The following CARMIL1 variants were observed in gnomAD, a reference collection of about 807,000 sequenced individuals.
CARMIL1 encodes capping protein regulator and myosin 1 linker 1, also known as F-actin-uncapping protein LRRC16A.
A neutral mutation model predicts 177.1 loss-of-function variants in CARMIL1; 90 were observed. That is an observed-to-expected ratio of 0.51 (90% CI 0.43 to 0.61). The LOEUF (loss-of-function observed/expected upper bound fraction) is 0.61, where lower values mean the gene tolerates loss of function less well. Among genes scored for constraint, CARMIL1 ranks in the 20% least tolerant of loss-of-function variants. The pLI, the probability that CARMIL1 is intolerant of heterozygous loss-of-function variation, is 0.00. For synonymous variants in CARMIL1, 577 were observed against 606.2 expected, an observed-to-expected ratio of 0.95 and a Z score of 0.71; for missense variants, 1,380 against 1,667.0, an observed-to-expected ratio of 0.83 and a Z score of 3.00.
chr6:25,383,320 G>T (rs1249411260), intron 2 of CARMIL1, among the ~76,000 whole-genome samples: 2 of 151,982 alleles, frequency 1.3e-5, no homozygotes, highest in African/African-American at 2.4e-5. Flanking sequence ...AGGAAGAATG[G>T]TGCCATTCTA....
At chr6:25,376,059 C>T (rs980481343) in intron 2 of CARMIL1, among the ~76,000 whole-genome samples, 10 of 152,166 alleles carry the variant, frequency 6.6e-5, no homozygotes, top group Middle Eastern at 3.4e-3. Context: ...TATAGAACCC[C>T]GTTTTGTCAT....
chr6:25,411,910 G>A (rs1010523427), intron 2 of CARMIL1, among the ~76,000 whole-genome samples: 3 of 152,200 alleles, frequency 2.0e-5, no homozygotes, highest in Non-Finnish European at 4.4e-5. Context: ...CCCAAAAAGA[G>A]TGGGGCTGGA....
chr6:25,331,068 C>A (rs1459510232), intron 2 of CARMIL1, among the ~76,000 whole-genome samples: 1 of 152,094 alleles, frequency 6.6e-6, no homozygotes, highest in East Asian at 1.9e-4. Flanking sequence ...AAGCAGCAAA[C>A]TTCCTGGGAG....
At chr6:25,371,743 C>T (rs916806147) in intron 2 of CARMIL1, among the ~76,000 whole-genome samples, 3 of 152,148 alleles carry the variant, frequency 2.0e-5, no homozygotes, top group East Asian at 3.8e-4. Flanking sequence ...ATTTGCTGTG[C>T]AGAAGCTTTT....
At chr6:25,316,102 A>G (rs1364023936) in intron 2 of CARMIL1, among the ~76,000 whole-genome samples, 1 of 152,266 alleles carries the variant, frequency 6.6e-6, no homozygotes, top group Non-Finnish European at 1.5e-5. Flanking sequence ...TGTAGATAAC[A>G]TTAAACTGAA....
chr6:25,560,404 G>C (rs1025962100), intron 29 of CARMIL1, among the ~76,000 whole-genome samples: 3 of 151,948 alleles, frequency 2.0e-5, no homozygotes, highest in Non-Finnish European at 4.4e-5. Context: ...CTTAGCCCCC[G>C]AGAGTCTGAC....
At chr6:25,397,470 A>G (rs9467489) in intron 2 of CARMIL1, among the ~76,000 whole-genome samples, 63,775 of 151,922 alleles carry the variant, frequency 0.42, 13,576 homozygotes, top group Middle Eastern at 0.59. Flanking sequence ...TCTGGTGCAT[A>G]GGGTGGGGCA....
At chr6:25,363,081 GA>G (rs1276556291) in intron 2 of CARMIL1, among the ~76,000 whole-genome samples, 1 of 152,116 alleles carries the variant, frequency 6.6e-6, no homozygotes, top group Admixed American at 6.5e-5. Flanking sequence ...AGTGGGTGAA[GA>G]AAGTACTCAC....
intron 23 of CARMIL1, among the ~76,000 whole-genome samples, chr6:25,521,735 A>C (rs1806585489): frequency 6.8e-6 from 1 of 146,562 alleles, no homozygotes; most frequent in Non-Finnish European, 1.5e-5. Flanking sequence ...ATGCCACTGC[A>C]CTCCAGCCTG....
intron 2 of CARMIL1, among the ~76,000 whole-genome samples, chr6:25,364,586 A>G (rs1286035871): frequency 7.5e-6 from 1 of 133,142 alleles, no homozygotes; most frequent in Non-Finnish European, 1.8e-5. Flanking sequence ...TTTTTGAGAC[A>G]GAGTTTCTGT....
chr6:25,466,511 TG>T (rs1800609308), intron 9 of CARMIL1, among the ~76,000 whole-genome samples: 1 of 152,326 alleles, frequency 6.6e-6, no homozygotes, highest in East Asian at 1.9e-4. Context: ...GATGCTGTGT[TG>T]GGGTTGCTGC....
intron 8 of CARMIL1, among the ~76,000 whole-genome samples, chr6:25,462,124 CT>C (rs1317044653): frequency 1.3e-5 from 2 of 152,068 alleles, no homozygotes; most frequent in African/African-American, 4.8e-5. Flanking sequence ...TGTGGCTTAT[CT>C]TTTTCTTCTC....
chr6:25,285,219 A>G (rs1561934461), intron 2 of CARMIL1, among the ~76,000 whole-genome samples: 1 of 152,064 alleles, frequency 6.6e-6, no homozygotes, highest in Non-Finnish European at 1.5e-5. Context: ...GAACTTTTTT[A>G]TTTGGTGTGT....
chr6:25,443,695 C>G (rs1021939640), intron 5 of CARMIL1, among the ~76,000 whole-genome samples: 4 of 152,132 alleles, frequency 2.6e-5, no homozygotes, highest in African/African-American at 9.7e-5. Flanking sequence ...TCACCTGAGC[C>G]TTCAGTGAAT....
chr6:25,386,265 G>GC (rs1792147422), intron 2 of CARMIL1, among the ~76,000 whole-genome samples: 1 of 152,070 alleles, frequency 6.6e-6, no homozygotes, highest in African/African-American at 2.4e-5. Flanking sequence ...TGTGGGGTGG[G>GC]TGGTGAGGAC....
At chr6:25,325,817 A>G (rs1307294440) in intron 2 of CARMIL1, among the ~76,000 whole-genome samples, 1 of 152,162 alleles carries the variant, frequency 6.6e-6, no homozygotes, top group African/African-American at 2.4e-5. Context: ...CTTATTGAAA[A>G]CAGTATAGTG....
chr6:25,350,331 A>C (rs1471082052), intron 2 of CARMIL1, among the ~76,000 whole-genome samples: 1 of 152,144 alleles, frequency 6.6e-6, no homozygotes, highest in Non-Finnish European at 1.5e-5. Context: ...GTATGTGGTT[A>C]TCTAAAGTCT....
At chr6:25,311,601 C>T (rs976290171) in intron 2 of CARMIL1, among the ~76,000 whole-genome samples, 1 of 152,086 alleles carries the variant, frequency 6.6e-6, no homozygotes, top group African/African-American at 2.4e-5. Flanking sequence ...AGTTCCCACC[C>T]CCACCCATCA....
chr6:25,321,725 C>T (rs1476805066), intron 2 of CARMIL1, among the ~76,000 whole-genome samples: 1 of 151,488 alleles, frequency 6.6e-6, no homozygotes, highest in Non-Finnish European at 1.5e-5. Flanking sequence ...GTGGTGCGAT[C>T]TCAGCTCACT....
Sources: allele counts gnomAD v4.1 joint callset (sites outside exome capture counted in the v4.1 genomes callset), GRCh38; gene constraint gnomAD v4.1.1; transcripts MANE v1.5; gene names NCBI Gene and HGNC (gene_info 2026-07-23, HGNC 2026-07-21).